The following ARSG variants were observed in gnomAD, a reference collection of about 807,000 sequenced individuals.
The protein encoded by ARSG is ASG.
In ARSG, 37 loss-of-function variants were observed where a neutral mutation model predicts 50.5. That is an observed-to-expected ratio of 0.73 (90% CI 0.56 to 0.96). The LOEUF is 0.96. Ranked by LOEUF, ARSG falls within the 50% of genes least tolerant of loss-of-function variation. ARSG has a pLI of 0.00. For missense variants in ARSG, 629 were observed against 675.3 expected, an observed-to-expected ratio of 0.93 and a Z score of 0.76; for synonymous variants, 225 against 254.6, an observed-to-expected ratio of 0.88 and a Z score of 1.11.
At chr17:68,269,169 A>G (rs2075246762) in intron 1 of ARSG, 2 of 1,555,340 alleles carry the variant, frequency 1.3e-6, no homozygotes, top group Non-Finnish European at 1.7e-6. Context: ...GTCTTCAGGT[A>G]TGTCCTGTAA....
At chr17:68,363,533 T>A (rs1449982423) in intron 6 of ARSG, among the ~76,000 whole-genome samples, 1 of 152,108 alleles carries the variant, frequency 6.6e-6, no homozygotes, top group Admixed American at 6.6e-5. Flanking sequence ...AATGGCGCGA[T>A]CTCGGCTCAC....
At chr17:68,369,462 C>A (rs1449931227) in intron 7 of ARSG, among the ~76,000 whole-genome samples, 1 of 152,100 alleles carries the variant, frequency 6.6e-6, no homozygotes, top group African/African-American at 2.4e-5. Flanking sequence ...ATCGCTTAAA[C>A]CTGGGAGGCG....
rs541350212 is a variant in ARSG, at chr17:68,270,414, C to T, written c.-552+10988C>T. Among the ~76,000 whole-genome samples the T allele has an allele frequency of 3.9e-5, 6 of 152,124 alleles. No individual in the cohort carries two copies. The South Asian group carries it at 1.0e-3, about 26-fold the overall frequency. ...ACTAAAAATACAAAAATTAGCCAGG[C>T]GTGGTGGTGGGTGCCTGTAGTCCCA... On this transcript the variant is annotated intron_variant, in intron 1 of 11. Coordinates refer to the ARSG transcript ENST00000448504.
chr17:68,307,658 G>A lies in ARSG; in HGVS notation c.165G>A (p.Trp55Ter), dbSNP rs781800662. 3 of 1,612,184 alleles carry A rather than the reference G, an allele frequency of 1.9e-6. No homozygotes were observed. The highest frequency in any genetic ancestry group is 2.5e-6 in the Non-Finnish European group (3 of 1,178,324). ...DMGWGDLGAN[W>*]AETKDTANLD... ...GGTGGGGTGACCTGGGAGCAAACTG[G>A]GCAGAAACAAAGGACACTGCCAACC... is the stretch of plus-strand genomic sequence containing the variant. The change falls in exon 2 of 12, where the codon TGG becomes TGA. Residue 55 changes from tryptophan to a stop codon, truncating the protein, a stop_gained. Transcript: ENST00000621439. LOFTEE classifies it high-confidence loss of function.
At chr17:68,354,036 T>C (rs1164837994) in intron 5 of ARSG, among the ~76,000 whole-genome samples, 1 of 121,806 alleles carries the variant, frequency 8.2e-6, no homozygotes, top group South Asian at 2.5e-4. Context: ...TTTTTTTTTT[T>C]TTTATTTCAA....
At chr17:68,302,939 C>T (rs1027924797) in intron 1 of ARSG, among the ~76,000 whole-genome samples, 29 of 152,156 alleles carry the variant, frequency 1.9e-4, no homozygotes, top group African/African-American at 6.3e-4. Flanking sequence ...AAAGACTCTG[C>T]CTTTCTTTAT....
At chr17:68,301,838 G>T (rs1038824519) in intron 1 of ARSG, among the ~76,000 whole-genome samples, 2 of 151,730 alleles carry the variant, frequency 1.3e-5, no homozygotes, top group African/African-American at 4.8e-5. Context: ...TTCCTGCTTG[G>T]CTTCCTGATG....
intron 2 of ARSG, among the ~76,000 whole-genome samples, chr17:68,328,785 C>G (rs992681805): frequency 6.6e-6 from 1 of 152,166 alleles, no homozygotes; most frequent in African/African-American, 2.4e-5. Context: ...GTCATGGGAC[C>G]TGCAGAGAAC....
At chr17:68,289,192 A>G (rs903621700), upstream of ARSG, among the ~76,000 whole-genome samples, 1 of 152,126 alleles carries the variant, frequency 6.6e-6, no homozygotes. Context: ...CAAAAAAATT[A>G]AAAAATGAGG....
At chr17:68,434,475 G>A in the ARSG span, 1 of 1,474,510 alleles carries the variant, frequency 6.8e-7, no homozygotes, top group Admixed American at 1.9e-5. Context: ...GCCACTCTCT[G>A]TCCTCTCCCT....
At chr17:68,412,436 T>C (rs2082061333) in intron 11 of ARSG, among the ~76,000 whole-genome samples, 1 of 152,218 alleles carries the variant, frequency 6.6e-6, no homozygotes. Context: ...TTTGAGAATG[T>C]TGAATATTGG....
At chr17:68,429,088 C>T in the ARSG span, 1 of 619,676 alleles carries the variant, frequency 1.6e-6, no homozygotes, top group African/African-American at 1.8e-5. Flanking sequence ...TCTGGCTATT[C>T]CTTTGCATTC....
the ARSG span, among the ~76,000 whole-genome samples, chr17:68,449,641 C>T: frequency 6.6e-6 from 1 of 152,176 alleles, no homozygotes; most frequent in Non-Finnish European, 1.5e-5. Flanking sequence ...TGGTCCTGCT[C>T]CTGCCACGTA....
chr17:68,322,800 T>C (rs1163461187), intron 2 of ARSG, among the ~76,000 whole-genome samples: 1 of 152,192 alleles, frequency 6.6e-6, no homozygotes, highest in Non-Finnish European at 1.5e-5. Context: ...CTTGGGTTGC[T>C]GTAACAAATA....
the ARSG span, chr17:68,435,712 TC>T: frequency 2.5e-6 from 4 of 1,614,174 alleles, no homozygotes; most frequent in Non-Finnish European, 3.4e-6. Context: ...CAGACTGTTT[TC>T]TGTTGGTGAA....
intron 3 of ARSG, among the ~76,000 whole-genome samples, chr17:68,345,056 A>G (rs1373917867): frequency 2.0e-5 from 3 of 152,152 alleles, no homozygotes; most frequent in African/African-American, 7.2e-5. Flanking sequence ...TCTTTTTCCA[A>G]TCCCTTTCTT....
intron 1 of ARSG, chr17:68,274,162 A>G: frequency 7.3e-7 from 1 of 1,363,410 alleles, no homozygotes; most frequent in South Asian, 1.3e-5. Context: ...GCACATGGAG[A>G]GATGATGTCG....
At chr17:68,393,005 A>G (rs949238669) in intron 9 of ARSG, among the ~76,000 whole-genome samples, 3 of 152,216 alleles carry the variant, frequency 2.0e-5, no homozygotes, top group Non-Finnish European at 4.4e-5. Flanking sequence ...GACAGGTAGA[A>G]CGCCTCAGTT....
upstream of ARSG, among the ~76,000 whole-genome samples, chr17:68,289,155 G>A (rs562162539): frequency 2.6e-5 from 4 of 152,076 alleles, no homozygotes; most frequent in Non-Finnish European, 4.4e-5. Context: ...AGACCAACCC[G>A]GGCAACATAG....
Sources: allele counts gnomAD v4.1 joint callset (sites outside exome capture counted in the v4.1 genomes callset), GRCh38; gene constraint gnomAD v4.1.1; transcripts MANE v1.5; gene names NCBI Gene and HGNC (gene_info 2026-07-23, HGNC 2026-07-21).